CALN1: variants seen among roughly 807,000 people sequenced by gnomAD.
CALN1 encodes calneuron 1, also known as calcium-binding protein 8.
CALN1 carries 17 observed loss-of-function variants against 30.6 expected under a neutral mutation model. That is an observed-to-expected ratio of 0.56 (90% CI 0.38 to 0.83). The LOEUF (loss-of-function observed/expected upper bound fraction) is 0.83, where lower values mean the gene tolerates loss of function less well. Among genes scored for constraint, CALN1 ranks in the 40% least tolerant of loss-of-function variants. The pLI is 0.00. For synonymous variants in CALN1, 156 were observed against 131.4 expected (o/e 1.19, Z -1.28); for missense variants, 291 against 354.9 (o/e 0.82, Z 1.45).
chr7:71,932,572 C>T (rs1016619975), intron 5 of CALN1, among the ~76,000 whole-genome samples: 2 of 151,806 alleles, frequency 1.3e-5, no homozygotes, highest in African/African-American at 2.4e-5. Context: ...CCAGAACTTT[C>T]GGAGGCCGAG....
At chr7:72,186,333 T>A (rs1400439291) in intron 3 of CALN1, among the ~76,000 whole-genome samples, 1 of 145,188 alleles carries the variant, frequency 6.9e-6, no homozygotes, top group African/African-American at 2.5e-5. Flanking sequence ...TGGGAGAAAA[T>A]CCACGTGCCC....
chr7:71,866,130 C>T (rs893996630), intron 5 of CALN1, among the ~76,000 whole-genome samples: 4 of 151,864 alleles, frequency 2.6e-5, no homozygotes, highest in African/African-American at 7.3e-5. Flanking sequence ...CTCAGCCTCC[C>T]GAGTAGCTGG....
chr7:71,955,392 C>T (rs752227009), intron 5 of CALN1, among the ~76,000 whole-genome samples: 9 of 151,994 alleles, frequency 5.9e-5, no homozygotes, highest in Admixed American at 6.6e-5. Context: ...AATGACACAG[C>T]GGAGAGGTTG....
At chr7:72,308,130 G>A (rs564499434) in intron 2 of CALN1, among the ~76,000 whole-genome samples, 3 of 152,254 alleles carry the variant, frequency 2.0e-5, no homozygotes, top group Admixed American at 6.5e-5. Context: ...TTGGGGGGCC[G>A]AGGCAGGTGG....
At chr7:72,194,397 G>A (rs1161947297) in intron 3 of CALN1, among the ~76,000 whole-genome samples, 1 of 152,004 alleles carries the variant, frequency 6.6e-6, no homozygotes, top group Non-Finnish European at 1.5e-5. Context: ...AGGTGTGGTG[G>A]TACATGCGTG....
chr7:72,324,317 G>A (rs1229421370), intron 2 of CALN1, among the ~76,000 whole-genome samples: 2 of 152,106 alleles, frequency 1.3e-5, no homozygotes, highest in Non-Finnish European at 2.9e-5. Context: ...ACCTCCTCCA[G>A]AAAGGTCTGT....
At chr7:71,927,510 T>A (rs138765075) in intron 5 of CALN1, among the ~76,000 whole-genome samples, 2 of 152,244 alleles carry the variant, frequency 1.3e-5, no homozygotes, top group African/African-American at 4.8e-5. Flanking sequence ...GTGCCCAGCC[T>A]CAAATGTTTT....
chr7:71,978,357 C>T (rs575848341), intron 5 of CALN1, among the ~76,000 whole-genome samples: 52 of 148,242 alleles, frequency 3.5e-4, no homozygotes, highest in Admixed American at 1.9e-3. Context: ...CTGCAAGCTC[C>T]GCCTCCTGGG....
chr7:72,237,098 C>A (rs1221519000), intron 3 of CALN1, among the ~76,000 whole-genome samples: 3 of 151,992 alleles, frequency 2.0e-5, no homozygotes, highest in African/African-American at 4.8e-5. Context: ...AATTGTCCTG[C>A]CTCAGCCTCC....
chr7:72,051,297 T>C (rs1802823105), intron 4 of CALN1, among the ~76,000 whole-genome samples: 1 of 151,856 alleles, frequency 6.6e-6, no homozygotes, highest in Admixed American at 6.6e-5. Flanking sequence ...CAGCCACAAA[T>C]ACAGAAGAGA....
intron 4 of CALN1, among the ~76,000 whole-genome samples, chr7:72,077,811 A>G (rs182142783): frequency 6.6e-6 from 1 of 152,284 alleles, no homozygotes; most frequent in South Asian, 2.1e-4. Context: ...AGCAAACCAA[A>G]GCCATCACTT....
intron 2 of CALN1, among the ~76,000 whole-genome samples, chr7:72,332,722 C>T (rs917775948): frequency 1.3e-5 from 2 of 152,178 alleles, no homozygotes; most frequent in Admixed American, 1.3e-4. Context: ...TTAATGCGAT[C>T]TTTATTGACG....
At chr7:72,088,806 G>A (rs944433726) in intron 4 of CALN1, among the ~76,000 whole-genome samples, 3 of 151,902 alleles carry the variant, frequency 2.0e-5, no homozygotes, top group Non-Finnish European at 4.4e-5. Context: ...AGGAGGTTAC[G>A]GCCCAAGAAT....
intron 6 of CALN1, among the ~76,000 whole-genome samples, chr7:71,792,118 A>G (rs1488580241): frequency 6.6e-6 from 1 of 152,234 alleles, no homozygotes; most frequent in African/African-American, 2.4e-5. Flanking sequence ...GCGACCTGGC[A>G]CTAATTCATG....
intron 2 of CALN1, among the ~76,000 whole-genome samples, chr7:72,308,897 G>T (rs1323930083): frequency 6.6e-6 from 1 of 152,164 alleles, no homozygotes; most frequent in Non-Finnish European, 1.5e-5. Context: ...GGAAAATTTT[G>T]CATGAAATTC....
chr7:72,185,354 A>G (rs922457207), intron 3 of CALN1, among the ~76,000 whole-genome samples: 6 of 152,148 alleles, frequency 3.9e-5, no homozygotes, highest in African/African-American at 1.2e-4. Flanking sequence ...TGAGCTTATA[A>G]CAAACAGGTA....
intron 3 of CALN1, among the ~76,000 whole-genome samples, chr7:72,200,064 T>A (rs923432272): frequency 6.6e-6 from 1 of 152,168 alleles, no homozygotes; most frequent in African/African-American, 2.4e-5. Flanking sequence ...CAGTCTGCAA[T>A]TCCCCTTATC....
the CALN1 span, among the ~76,000 whole-genome samples, chr7:72,494,286 T>G: frequency 7.9e-5 from 12 of 152,300 alleles, no homozygotes; most frequent in African/African-American, 2.9e-4. Context: ...TGCTGGACAG[T>G]GTTCCAGGAA....
chr7:71,880,879 C>T (rs1014044077), intron 5 of CALN1, among the ~76,000 whole-genome samples: 2 of 152,126 alleles, frequency 1.3e-5, no homozygotes. Context: ...ATATTGAGTG[C>T]CAACTTGTTT....
Sources: allele counts gnomAD v4.1 joint callset (sites outside exome capture counted in the v4.1 genomes callset), GRCh38; gene constraint gnomAD v4.1.1; transcripts MANE v1.5; gene names NCBI Gene and HGNC (gene_info 2026-07-23, HGNC 2026-07-21).